The following UQCRFS1 variants were observed in gnomAD, a reference collection of about 807,000 sequenced individuals.
UQCRFS1 encodes ubiquinol-cytochrome c reductase, Rieske iron-sulfur polypeptide 1.
In UQCRFS1, 6 loss-of-function variants were observed where a neutral mutation model predicts 15.6. The observed-to-expected ratio is 0.38, with a 90% confidence interval of 0.21 to 0.76. UQCRFS1 has a LOEUF of 0.76. Ranked by LOEUF, UQCRFS1 falls within the 30% of genes least tolerant of loss-of-function variation. The probability of loss-of-function intolerance (pLI) is 0.44; values close to 1 mark genes in which losing one functional copy is unlikely to be tolerated. For missense variants in UQCRFS1, 203 were observed against 366.7 expected (o/e 0.55, Z 3.65); for synonymous variants, 105 against 154.3 (o/e 0.68, Z 2.37).
At chr19:29,210,098 C>G (rs1227165569) in intron 1 of UQCRFS1, among the ~76,000 whole-genome samples, 1 of 152,156 alleles carries the variant, frequency 6.6e-6, no homozygotes, top group Non-Finnish European at 1.5e-5. Flanking sequence ...GGAATTTTAA[C>G]AAAACAAGTT....
At chr19:29,212,588 AG>A (rs1976668151) in intron 1 of UQCRFS1, among the ~76,000 whole-genome samples, 1 of 152,216 alleles carries the variant, frequency 6.6e-6, no homozygotes, top group Admixed American at 6.5e-5. Context: ...TCCATTTCAC[AG>A]GAAGTACGTT....
intron 1 of UQCRFS1, 66 bp from the exon 2 acceptor site, chr19:29,208,224 G>A (rs1976612496): frequency 6.6e-7 from 1 of 1,510,726 alleles, no homozygotes; most frequent in Non-Finnish European, 8.8e-7. Context: ...TATATATCAG[G>A]AAATAGCCCT....
In UQCRFS1 at chr19:29,208,283, C is replaced by T. The variant is rs541203127; in HGVS notation, c.215-125G>A. 113 of 1,296,800 alleles carry T rather than the reference C, an allele frequency of 8.7e-5. No individual in the cohort carries two copies. In the African/African-American group the frequency reaches 1.5e-3, roughly 18 times the overall value. The allele number at this position is 1,296,800 out of a possible 1,614,324, so 80.3% of individuals were successfully genotyped here. A position where few individuals can be genotyped will look rare whatever the true frequency, so the allele number is the denominator to read the frequency against. On this transcript the variant is annotated intron_variant, in intron 1 of 1. Coordinates refer to ENST00000304863, the MANE Select transcript of UQCRFS1 (RefSeq NM_006003.3). ...CAAATTCTAAAAATGTGAAATATGG[C>T]ACTCACTGGGTCTCAGAAATAGTCA...
intron 1 of UQCRFS1, among the ~76,000 whole-genome samples, chr19:29,210,447 G>C (rs1976633896): frequency 1.3e-5 from 2 of 151,604 alleles, no homozygotes; most frequent in South Asian, 4.2e-4. Context: ...TGCCATGCTG[G>C]TGTGCTGCAC....
intron 1 of UQCRFS1, among the ~76,000 whole-genome samples, chr19:29,210,658 T>C (rs1348032836): frequency 6.6e-6 from 1 of 152,116 alleles, no homozygotes; most frequent in Non-Finnish European, 1.5e-5. Context: ...TGATTTCCAA[T>C]TTCATCCATG....
intron 1 of UQCRFS1, among the ~76,000 whole-genome samples, chr19:29,209,531 T>C (rs1165674147): frequency 6.6e-6 from 1 of 152,162 alleles, no homozygotes; most frequent in Non-Finnish European, 1.5e-5. Context: ...AATCACTCTA[T>C]GTGCTTTTCT....
intron 1 of UQCRFS1, among the ~76,000 whole-genome samples, chr19:29,212,109 G>A (rs932718372): frequency 4.6e-5 from 7 of 152,168 alleles, no homozygotes; most frequent in Non-Finnish European, 8.8e-5. Flanking sequence ...CTCCGATACA[G>A]GGCCAAGTAA....
At chr19:29,212,048 GA>G (rs1048970803) in intron 1 of UQCRFS1, among the ~76,000 whole-genome samples, 2 of 152,056 alleles carry the variant, frequency 1.3e-5, no homozygotes, top group African/African-American at 4.8e-5. Flanking sequence ...CAGTTTTTTT[GA>G]AAACTACACA....
Position 29,207,821 on chromosome 19 carries a change from A to C in UQCRFS1, c.552T>G (p.Ile184Met). The C allele has an allele frequency of 6.2e-7, 1 of 1,614,022 alleles. No individual in the cohort carries two copies. The highest frequency in any genetic ancestry group is 8.5e-7 in the Non-Finnish European group (1 of 1,179,876). The change falls in exon 2 of 2, where the codon ATT becomes ATG. Residue 184 changes from isoleucine (I) to methionine (M), a missense_variant. By Grantham distance (10) the Ile-to-Met change is conservative (BLOSUM62 1). Around this residue, in one of 3 missense-constraint regions of UQCRFS1, gnomAD observed 91 missense variants for 186.9 expected, o/e 0.49. Transcript: ENST00000304863. ...ATAATTCAACTGCAGCTTCCTGCTC[A>C]ATTTCCTTCTGGGTTCTATGACGCA... Reference protein sequence around the residue: ...LFVRHRTQKEIEQEAAVELSQ... With the variant: ...LFVRHRTQKEMEQEAAVELSQ...
In UQCRFS1 at chr19:29,206,716, G is replaced by C. The variant is rs1976597416; in HGVS notation, c.*832C>G. On this transcript the variant is annotated 3_prime_UTR_variant, in exon 2 of 2. Coordinates refer to ENST00000304863, the MANE Select transcript of UQCRFS1 (RefSeq NM_006003.3). Reference sequence around the variant, plus strand: ...AAACAAACCCAGCAGGACCACTTCTGCATGCAGGCAGTATTAGGTCTCAGA... The same window carrying C: ...AAACAAACCCAGCAGGACCACTTCTCCATGCAGGCAGTATTAGGTCTCAGA... The C allele has an allele frequency of 2.0e-5, 3 of 152,236 alleles. No individual in the cohort carries two copies. Among genetic ancestry groups the C allele is most frequent in the Non-Finnish European group, 4.4e-5 (3 of 68,048 alleles). The allele number at this position is 152,236 out of a possible 1,614,324, so 9.4% of individuals were successfully genotyped here.
chr19:29,213,050 C>A lies in UQCRFS1; in HGVS notation c.69G>T (p.Ala23=), dbSNP rs1384951480. ...PVLSATSRGV[A]GALRPLVQAT... is the part of the protein sequence containing the mutation. Reference sequence around the variant, plus strand: ...CCTGCACCAAGGGCCGCAGCGCGCCCGCCACCCCGCGGGACGTGGCCGACA... The same window carrying A: ...CCTGCACCAAGGGCCGCAGCGCGCCAGCCACCCCGCGGGACGTGGCCGACA... The change falls in exon 1 of 2, where the codon GCG becomes GCT. Residue 23 remains alanine (A), a synonymous_variant. Coordinates refer to ENST00000304863, the MANE Select transcript of UQCRFS1 (RefSeq NM_006003.3). The A allele has an allele frequency of 6.9e-6, 10 of 1,444,380 alleles. No individual in the cohort carries two copies. Among genetic ancestry groups the A allele is most frequent in the Non-Finnish European group, 8.1e-6 (9 of 1,112,266 alleles). 89.5% of individuals were successfully genotyped at this position (1,444,380 alleles called of 1,614,324 possible). A position where few individuals can be genotyped will look rare whatever the true frequency, so the allele number is the denominator to read the frequency against.
intron 1 of UQCRFS1, among the ~76,000 whole-genome samples, chr19:29,209,377 A>C (rs1303811147): frequency 6.6e-6 from 1 of 152,230 alleles, no homozygotes; most frequent in Non-Finnish European, 1.5e-5. Flanking sequence ...ACCTTGCTCT[A>C]CTAGGATATC....
intron 1 of UQCRFS1, among the ~76,000 whole-genome samples, chr19:29,211,949 T>TACA (rs1976656825): frequency 6.6e-6 from 1 of 152,184 alleles, no homozygotes; most frequent in Non-Finnish European, 1.5e-5. Flanking sequence ...GGGCGGCCAC[T>TACA]ACACAGCACA....
At chr19:29,210,399 T>C (rs530865611) in intron 1 of UQCRFS1, among the ~76,000 whole-genome samples, 1 of 152,118 alleles carries the variant, frequency 6.6e-6, no homozygotes, top group Non-Finnish European at 1.5e-5. Flanking sequence ...TTAGGGTACA[T>C]GTGCACAATG....
Position 29,212,936 on chromosome 19 carries a change from G to A in UQCRFS1, c.183C>T (p.Arg61=), listed in dbSNP as rs1015141876. Residue 61 remains arginine, a synonymous_variant, in exon 1 of 2, where the codon CGC becomes CGT. Coordinates refer to ENST00000304863, the MANE Select transcript of UQCRFS1 (RefSeq NM_006003.3). ...GGCCCACGGAGGCGACCAAAGGCCG[G>A]CGCACGGCCTGGCCGCTCAGCGACT... is the stretch of plus-strand genomic sequence containing the variant. ...SRESLSGQAV[R]RPLVASVGLN... The A allele has an allele frequency of 8.5e-6, 12 of 1,408,354 alleles. No homozygotes were observed. In the African/African-American group the frequency reaches 1.7e-4, roughly 20 times the overall value. The allele number at this position is 1,408,354 out of a possible 1,614,324, so 87.2% of individuals were successfully genotyped here.
chr19:29,208,760 G>A (rs1415144455), intron 1 of UQCRFS1, among the ~76,000 whole-genome samples: 5 of 152,018 alleles, frequency 3.3e-5, no homozygotes, highest in South Asian at 2.1e-4. Context: ...AAAAATTAGC[G>A]TTTCTATTTT....
intron 1 of UQCRFS1, among the ~76,000 whole-genome samples, chr19:29,210,458 C>T (rs1041561072): frequency 1.1e-4 from 17 of 151,298 alleles, no homozygotes; most frequent in African/African-American, 4.1e-4. Context: ...TGTGCTGCAC[C>T]CATTGACTCA....
chr19:29,208,212 A>G (rs1037816444), intron 1 of UQCRFS1, 54 bp from the exon 2 acceptor site: 12 of 1,525,868 alleles, frequency 7.9e-6, no homozygotes, highest in African/African-American at 1.4e-5. Flanking sequence ...TCCCGAAGGG[A>G]GTATATATCA....
intron 1 of UQCRFS1, among the ~76,000 whole-genome samples, chr19:29,210,042 AATTCT>A (rs770868548): frequency 6.6e-6 from 1 of 152,226 alleles, no homozygotes; most frequent in Non-Finnish European, 1.5e-5. Flanking sequence ...TGCTAGATTT[AATTCT>A]AACCTAAAGC....
Sources: gnomAD v4.1 joint callset for allele counts (sites outside exome capture counted in the v4.1 genomes callset) on GRCh38, gnomAD v4.1.1 for gene constraint, gnomAD v4.1.1 regional missense constraint, MANE v1.5 for transcripts, NCBI Gene and HGNC (gene_info 2026-07-23, HGNC 2026-07-21) for gene names.